The following SCMH1 variants were observed in gnomAD, a reference collection of about 807,000 sequenced individuals.
SCMH1 encodes the protein Scm polycomb group protein homolog 1, also known as polycomb protein SCMH1.
In SCMH1, 37 loss-of-function variants were observed where a neutral mutation model predicts 70.8. That is an observed-to-expected ratio of 0.52 (90% confidence interval 0.40 to 0.69). SCMH1 has a LOEUF of 0.69. SCMH1 is among the 30% of genes least tolerant of loss of function. The probability of loss-of-function intolerance (pLI) is 0.00; values close to 1 mark genes in which losing one functional copy is unlikely to be tolerated. For synonymous variants in SCMH1, 292 were observed against 307.4 expected (o/e 0.95, Z 0.52); for missense variants, 607 against 827.3 (o/e 0.73, Z 3.27).
At chr1:41,058,136 G>T (rs12136179) in intron 10 of SCMH1, among the ~76,000 whole-genome samples, 1 of 142,286 alleles carries the variant, frequency 7.0e-6, no homozygotes, top group African/African-American at 2.6e-5. Context: ...AAAAAAAAAA[G>T]AAAAAGAAAA....
intron 7 of SCMH1, among the ~76,000 whole-genome samples, chr1:41,114,679 C>CTCTCTT (rs1384158824): frequency 6.6e-6 from 1 of 151,710 alleles, no homozygotes; most frequent in Non-Finnish European, 1.5e-5. Context: ...CTCTCTCTCT[C>CTCTCTT]TCTCTTTCTT....
At chr1:41,155,984 C>CAAAAAAAAAAAAAAAAAAAAAAAAA (rs386366781) in intron 4 of SCMH1, among the ~76,000 whole-genome samples, 2 of 74,652 alleles carry the variant, frequency 2.7e-5, no homozygotes, top group African/African-American at 1.2e-4. Context: ...GACTCCGTCT[C>CAAAAAAAAAAAAAAAAAAAAAAAAA]AAAAAAAAAA....
At position 41,115,630 on chromosome 1, in the gene SCMH1, G is replaced by A. The variant is rs552202173; in HGVS notation, c.501+1292C>T. ...TTTTTAAATTTTTTCTAGAGACGGG[G>A]TCTTGCTACAGGTGGCCCAGGCTGG... On this transcript the variant is annotated intron_variant, in intron 7 of 14. Coordinates refer to ENST00000337495, the Ensembl canonical transcript of SCMH1. Among the ~76,000 whole-genome samples the A allele has an allele frequency of 7.2e-5, 11 of 152,244 alleles. No homozygotes were observed. In the South Asian group the frequency reaches 2.3e-3, roughly 32 times the overall value.
chr1:41,086,309 A>G (rs2802566), intron 8 of SCMH1, among the ~76,000 whole-genome samples: 98,645 of 151,770 alleles, frequency 0.65, 33,548 homozygotes, highest in African/African-American at 0.86. Context: ...CAGCCTTCAT[A>G]TATAGCAAAT....
intron 12 of SCMH1, chr1:41,041,359 G>GTC (rs1301926021): frequency 1.3e-5 from 2 of 152,182 alleles, no homozygotes; most frequent in African/African-American, 4.8e-5. Flanking sequence ...AAAAGATATT[G>GTC]TCTCTATCCT....
At chr1:41,230,101 CAT>C (rs1661018886) in intron 1 of SCMH1, among the ~76,000 whole-genome samples, 1 of 152,160 alleles carries the variant, frequency 6.6e-6, no homozygotes, top group South Asian at 2.1e-4. Flanking sequence ...GGGAAAATAT[CAT>C]TTGTATATCC....
intron 6 of SCMH1, among the ~76,000 whole-genome samples, chr1:41,120,908 C>T (rs772835412): frequency 2.6e-5 from 4 of 152,164 alleles, no homozygotes; most frequent in Non-Finnish European, 4.4e-5. Flanking sequence ...ATGTTGCCTC[C>T]AAAAGTTAAC....
chr1:41,027,863 T>A (rs1643971774), exon 15 of SCMH1: 1 of 293,334 alleles, frequency 3.4e-6, no homozygotes, highest in Admixed American at 4.7e-5. Context: ...AGGACAGAGT[T>A]GGCCTTTTCC....
intron 4 of SCMH1, among the ~76,000 whole-genome samples, chr1:41,159,000 G>A (rs1645800320): frequency 4.6e-5 from 7 of 152,102 alleles, no homozygotes; most frequent in Admixed American, 4.6e-4. Flanking sequence ...ACGTGAGGAG[G>A]TTCTAAGTCC....
chr1:41,110,718 T>C (rs917847418), intron 8 of SCMH1, among the ~76,000 whole-genome samples: 1 of 152,240 alleles, frequency 6.6e-6, no homozygotes, highest in Non-Finnish European at 1.5e-5. Context: ...TTGTTTTATC[T>C]TTTTGGCTAC....
At chr1:41,241,079 A>G (rs1028623081) in intron 1 of SCMH1, among the ~76,000 whole-genome samples, 4 of 152,188 alleles carry the variant, frequency 2.6e-5, no homozygotes, top group African/African-American at 9.6e-5. Context: ...GTTTCTTTCA[A>G]CTTATAACCA....
chr1:41,084,153 G>C (rs904920305), intron 8 of SCMH1, among the ~76,000 whole-genome samples: 12 of 152,184 alleles, frequency 7.9e-5, no homozygotes, highest in African/African-American at 2.9e-4. Context: ...AAGAGCTTCT[G>C]CACAGCAAAA....
At chr1:41,082,843 C>T (rs1012369508) in intron 8 of SCMH1, among the ~76,000 whole-genome samples, 2 of 152,142 alleles carry the variant, frequency 1.3e-5, no homozygotes, top group African/African-American at 4.8e-5. Flanking sequence ...TAAATGTAAT[C>T]CAGCATATAA....
chr1:41,194,511 G>A (rs141666922), intron 1 of SCMH1, among the ~76,000 whole-genome samples: 42 of 152,346 alleles, frequency 2.8e-4, no homozygotes, highest in African/African-American at 9.9e-4. Context: ...TATCCAGACA[G>A]GGCTTCTCAA....
At chr1:41,060,503 AC>A (rs1652231508) in intron 10 of SCMH1, among the ~76,000 whole-genome samples, 2 of 152,104 alleles carry the variant, frequency 1.3e-5, no homozygotes, top group African/African-American at 4.8e-5. Context: ...TGTTGCCAGA[AC>A]ACCTGCCTTG....
chr1:41,225,141 T>C (rs1440394657), intron 1 of SCMH1, among the ~76,000 whole-genome samples: 1 of 152,210 alleles, frequency 6.6e-6, no homozygotes, highest in Non-Finnish European at 1.5e-5. Context: ...ATAATTAATA[T>C]AATTTCAAAA....
chr1:41,168,743 T>G (rs546946108), intron 2 of SCMH1, among the ~76,000 whole-genome samples: 1 of 151,728 alleles, frequency 6.6e-6, no homozygotes, highest in Non-Finnish European at 1.5e-5. Context: ...ACTGGCCTCA[T>G]GTAGGAGAAG....
chr1:41,084,844 G>C (rs1302781259), intron 8 of SCMH1, among the ~76,000 whole-genome samples: 6 of 151,660 alleles, frequency 4.0e-5, no homozygotes, highest in Non-Finnish European at 8.8e-5. Flanking sequence ...GGATGAAATT[G>C]GAAATCATCA....
chr1:41,047,736 C>G (rs1029402561), intron 11 of SCMH1, among the ~76,000 whole-genome samples: 1 of 152,178 alleles, frequency 6.6e-6, no homozygotes, highest in African/African-American at 2.4e-5. Context: ...CCCTGCCTGT[C>G]TGCTCCATCC....
Sources: gnomAD v4.1 joint callset for allele counts (sites outside exome capture counted in the v4.1 genomes callset) on GRCh38, gnomAD v4.1.1 for gene constraint, MANE v1.5 for transcripts, NCBI Gene and HGNC (gene_info 2026-07-23, HGNC 2026-07-21) for gene names.